Variants in SLC6A20 observed in about 807,000 individuals in gnomAD.
The protein encoded by SLC6A20 is solute carrier family 6 member 20, also known as sodium- and chloride-dependent transporter XTRP3.
Under a neutral mutation model 64.3 loss-of-function variants are expected in SLC6A20, and 73 were observed. That is an observed-to-expected ratio of 1.14 (90% CI 0.94 to 1.38). SLC6A20 has a LOEUF of 1.38. SLC6A20 is among the 40% of genes most tolerant of loss of function. The pLI, the probability that SLC6A20 is intolerant of heterozygous loss-of-function variation, is 0.00. For missense variants in SLC6A20, 725 were observed against 772.8 expected, an observed-to-expected ratio of 0.94 and a Z score of 0.73; for synonymous variants, 347 against 329.6, an observed-to-expected ratio of 1.05 and a Z score of -0.57.
chr3:45,772,026 A>C, intron 5 of SLC6A20: 1 of 171,486 alleles, frequency 5.8e-6, no homozygotes, highest in Non-Finnish European at 1.2e-5. Flanking sequence ...CCAAATGAAG[A>C]ACTTGCCCCA....
rs1358196067 is a variant in SLC6A20, at chr3:45,789,178, A to C, written c.122-6955T>G. On this transcript the variant is annotated intron_variant, in intron 1 of 10. Transcript: ENST00000358525. ...AGATGACATTTCATTCTTGACAGTG[A>C]TAACTAGAGAAAATAAGTATACTTT... Among the ~76,000 whole-genome samples, 6 of 152,176 alleles carry C rather than the reference A, an allele frequency of 3.9e-5. No homozygotes were observed. In the South Asian group the frequency reaches 6.2e-4, roughly 16 times the overall value.
At chr3:45,766,855 T>C (rs543707430) in intron 7 of SLC6A20, among the ~76,000 whole-genome samples, 80 of 152,324 alleles carry the variant, frequency 5.3e-4, no homozygotes, top group African/African-American at 1.8e-3. Context: ...TTCCTGTTTT[T>C]TGCTGGGCAC....
At chr3:45,794,706 G>GCTCA (rs763772186) in intron 1 of SLC6A20, among the ~76,000 whole-genome samples, 5 of 152,174 alleles carry the variant, frequency 3.3e-5, no homozygotes, top group Non-Finnish European at 5.9e-5. Flanking sequence ...TGACAGTGAG[G>GCTCA]CTCACCTGGA....
In SLC6A20 at chr3:45,772,586, A is replaced by G; in HGVS notation, c.612T>C (p.Tyr204=). Residue 204 remains tyrosine, a synonymous_variant, in exon 5 of 11, where the codon TAT becomes TAC. Coordinates refer to ENST00000358525, the MANE Select transcript of SLC6A20 (RefSeq NM_020208.4). ...KVVYFTASLP[Y]CVLIIYLIRG... ...TGATGAGGTAGATGATGAGCACGCAATAGGGCAGTGACGCCGTGAAATACA... is the reference window on the plus strand; with the variant it reads ...TGATGAGGTAGATGATGAGCACGCAGTAGGGCAGTGACGCCGTGAAATACA... 14 of 1,614,004 alleles carry G rather than the reference A, an allele frequency of 8.7e-6. No homozygotes were observed. The highest frequency in any genetic ancestry group is 1.2e-5 in the Non-Finnish European group (14 of 1,179,980).
intron 1 of SLC6A20, among the ~76,000 whole-genome samples, chr3:45,794,433 A>G (rs915136001): frequency 1.3e-5 from 2 of 152,124 alleles, no homozygotes; most frequent in African/African-American, 4.8e-5. Flanking sequence ...CTGTGCACCC[A>G]CTAATCCATG....
intron 3 of SLC6A20, among the ~76,000 whole-genome samples, chr3:45,778,917 A>G (rs763960348): frequency 9.2e-5 from 14 of 152,188 alleles, no homozygotes; most frequent in South Asian, 2.1e-4. Context: ...CTTGCCAGAG[A>G]TACGTGCAAT....
In SLC6A20 at chr3:45,782,621, T is replaced by TTCCATCCATCCA. The variant is rs3051640; in HGVS notation, c.122-410_122-399dup. On this transcript the variant is annotated intron_variant, in intron 1 of 10. Coordinates refer to ENST00000358525, the MANE Select transcript of SLC6A20 (RefSeq NM_020208.4). ...CATTCATCCATCCGTATTTCCATAT[T>TTCCATCCATCCA]TCCATCCATCCATCCATCCATCCAT... Among the ~76,000 whole-genome samples, 285 of 144,662 alleles carry TTCCATCCATCCA rather than the reference T, an allele frequency of 2.0e-3. 5 individuals are homozygous for TTCCATCCATCCA. The highest frequency in any genetic ancestry group is 7.6e-3 in the South Asian group (33 of 4,326). The allele number at this position is 144,662 out of a possible 152,430, so 94.9% of individuals were successfully genotyped here.
At chr3:45,760,599 G>T (rs1284413953) in intron 9 of SLC6A20, among the ~76,000 whole-genome samples, 1 of 152,186 alleles carries the variant, frequency 6.6e-6, no homozygotes, top group Admixed American at 6.5e-5. Flanking sequence ...AGGGCAGTGA[G>T]TCCCAAAGGC....
rs958680736 is a variant in SLC6A20, at chr3:45,796,501, C to T, written c.-82G>A. ...TGCGCGGTCGCCAGGCGCGCCGTCCCACCCCGGCTCGGCTTGGGGGTGGCC... is the reference window on the plus strand; with the variant it reads ...TGCGCGGTCGCCAGGCGCGCCGTCCTACCCCGGCTCGGCTTGGGGGTGGCC... On this transcript the variant is annotated 5_prime_UTR_variant, in exon 1 of 11. Transcript: ENST00000358525. The T allele has an allele frequency of 2.1e-6, 3 of 1,428,028 alleles. No individual in the cohort carries two copies. Among genetic ancestry groups the T allele is most frequent in the South Asian group, 2.9e-5 (2 of 68,396 alleles). 88.5% of individuals were successfully genotyped at this position (1,428,028 alleles called of 1,614,324 possible).
At position 45,756,080 on chromosome 3, in the gene SLC6A20, A is replaced by T. The variant is rs143482997; in HGVS notation, c.*2898T>A. On this transcript the variant is annotated 3_prime_UTR_variant, in exon 11 of 11. Transcript: ENST00000358525. The stretch of plus-strand genomic sequence containing the variant: ...CCAGGTCTTGCTTCCAGAAGGTCTG[A>T]TGGGTGGCCCCAGGGTGTGGTGTGG... The T allele has an allele frequency of 8.5e-5, 13 of 152,366 alleles. No individual in the cohort carries two copies. The East Asian group carries it at 2.3e-3, about 27-fold the overall frequency. 9.4% of individuals were successfully genotyped at this position (152,366 alleles called of 1,614,324 possible).
chr3:45,774,793 A>G (rs926372572), intron 4 of SLC6A20, among the ~76,000 whole-genome samples: 2 of 152,046 alleles, frequency 1.3e-5, no homozygotes, highest in Non-Finnish European at 2.9e-5. Flanking sequence ...GCATAGAGAG[A>G]GCTATGTGGC....
At chr3:45,782,729 A>T (rs1700118248) in intron 1 of SLC6A20, among the ~76,000 whole-genome samples, 1 of 151,886 alleles carries the variant, frequency 6.6e-6, no homozygotes, top group South Asian at 2.1e-4. Flanking sequence ...CCATCCTTTC[A>T]TCTTTTTATC....
At position 45,796,383 on chromosome 3, in the gene SLC6A20, G is replaced by A. The variant is rs202158371; in HGVS notation, c.37C>T (p.Gln13Ter). ...TACGAGATGCAGGCGAACACGAACT[G>A]TAGCGAGTTGGCCCACAGCGGCCGC... ...KARPLWANSL[Q>*]FVFACISYAV... The change falls in exon 1 of 11, where the codon CAG becomes TAG. Residue 13 changes from glutamine to a stop codon, truncating the protein, a stop_gained. Coordinates refer to ENST00000358525, the MANE Select transcript of SLC6A20 (RefSeq NM_020208.4). LOFTEE classifies it high-confidence loss of function. 4.0e-4 allele frequency: 648 copies of A among 1,612,788 alleles called. 3 individuals are homozygous for A. The highest frequency in any genetic ancestry group is 4.3e-5 in the Non-Finnish European group (51 of 1,179,678).
intron 1 of SLC6A20, among the ~76,000 whole-genome samples, chr3:45,791,375 G>A (rs1700247768): frequency 6.6e-6 from 1 of 152,328 alleles, no homozygotes; most frequent in South Asian, 2.1e-4. Flanking sequence ...GATTTCTGGG[G>A]ATAGGACAGA....
intron 4 of SLC6A20, among the ~76,000 whole-genome samples, chr3:45,773,950 C>T (rs1699921413): frequency 6.6e-6 from 1 of 152,260 alleles, no homozygotes. Flanking sequence ...GGGCACTAAG[C>T]AGGCCCTTAG....
At chr3:45,794,666 G>A (rs1288031251) in intron 1 of SLC6A20, among the ~76,000 whole-genome samples, 1 of 152,168 alleles carries the variant, frequency 6.6e-6, no homozygotes, top group Non-Finnish European at 1.5e-5. Flanking sequence ...GGTGATGGTG[G>A]TATTATAAAC....
chr3:45,774,362 T>C (rs753418778), intron 4 of SLC6A20, among the ~76,000 whole-genome samples: 1 of 152,270 alleles, frequency 6.6e-6, no homozygotes, highest in Non-Finnish European at 1.5e-5. Context: ...CTCTGATCTC[T>C]TGGATCATGA....
At chr3:45,781,236 T>A (rs1194093732) in intron 2 of SLC6A20, among the ~76,000 whole-genome samples, 1 of 145,032 alleles carries the variant, frequency 6.9e-6, no homozygotes, top group South Asian at 2.3e-4. Flanking sequence ...AAAAAAAAAA[T>A]TAATAGCCAT....
intron 5 of SLC6A20, chr3:45,771,681 G>C (rs779542153): frequency 3.0e-6 from 2 of 656,052 alleles, no homozygotes; most frequent in Non-Finnish European, 5.1e-6. Flanking sequence ...AGGTGCTGTG[G>C]AGAATACAGG....
Sources: allele counts gnomAD v4.1 joint callset (sites outside exome capture counted in the v4.1 genomes callset), GRCh38; gene constraint gnomAD v4.1.1; transcripts MANE v1.5; gene names NCBI Gene and HGNC (gene_info 2026-07-23, HGNC 2026-07-21).